PDE8B: variants seen among roughly 807,000 people sequenced by gnomAD.
PDE8B encodes the protein high affinity cAMP-specific and IBMX-insensitive 3',5'-cyclic phosphodiesterase 8B.
In PDE8B, 26 loss-of-function variants were observed where a neutral mutation model predicts 101.3. The ratio of observed to expected loss-of-function variants is 0.26; its 90% confidence interval spans 0.19 to 0.36. The LOEUF (loss-of-function observed/expected upper bound fraction) is 0.36, where lower values mean the gene tolerates loss of function less well. Ranked by LOEUF, PDE8B falls within the 10% of genes least tolerant of loss-of-function variation. The pLI is 1.00. For missense variants in PDE8B, 810 were observed against 1,163.1 expected (o/e 0.70, Z 4.42); for synonymous variants, 424 against 429.3 (o/e 0.99, Z 0.15).
the PDE8B span, among the ~76,000 whole-genome samples, chr5:77,198,271 G>A: frequency 1.3e-5 from 2 of 152,040 alleles, no homozygotes; most frequent in African/African-American, 4.8e-5. Flanking sequence ...CTTTTTGGCT[G>A]GTAGAACTTG....
At chr5:77,239,507 A>C (rs894686324) in intron 1 of PDE8B, among the ~76,000 whole-genome samples, 14 of 152,202 alleles carry the variant, frequency 9.2e-5, no homozygotes, top group African/African-American at 3.1e-4. Flanking sequence ...GGTATTTTCA[A>C]GTTCCCTGGG....
chr5:77,099,698 G>A, the PDE8B span, among the ~76,000 whole-genome samples: 1 of 151,434 alleles, frequency 6.6e-6, no homozygotes, highest in African/African-American at 2.4e-5. Context: ...TGCAACCTCC[G>A]CCTCCCAGGT....
chr5:77,388,445 C>G (rs894184773), intron 10 of PDE8B, among the ~76,000 whole-genome samples: 1 of 152,210 alleles, frequency 6.6e-6, no homozygotes, highest in Non-Finnish European at 1.5e-5. Flanking sequence ...CCTCTGGAAG[C>G]TTCAGCCCAA....
chr5:77,325,817 A>G lies in PDE8B; in HGVS notation c.590+88A>G, dbSNP rs957847528. The G allele has an allele frequency of 5.3e-6, 5 of 938,086 alleles. No homozygotes were observed. The Admixed American group carries it at 5.5e-5, about 10-fold the overall frequency. 58.1% of individuals were successfully genotyped at this position (938,086 alleles called of 1,614,324 possible). A position where few individuals can be genotyped will look rare whatever the true frequency, so the allele number is the denominator to read the frequency against. Reference sequence around the variant, plus strand: ...TTATAGATATCTTTAGTTTATTTCAAATATTTTTAAAATATGCGTTGATGT... The same window carrying G: ...TTATAGATATCTTTAGTTTATTTCAGATATTTTTAAAATATGCGTTGATGT... On this transcript the variant is annotated intron_variant, in intron 3 of 21. Coordinates refer to ENST00000264917, the MANE Select transcript of PDE8B (RefSeq NM_003719.5).
intron 6 of PDE8B, among the ~76,000 whole-genome samples, chr5:77,338,769 G>C (rs575479364): frequency 1.3e-5 from 2 of 152,152 alleles, no homozygotes; most frequent in African/African-American, 4.8e-5. Flanking sequence ...GAAAGAGGGG[G>C]ATTTTACTGT....
chr5:77,258,604 C>T (rs1759705307), intron 1 of PDE8B, among the ~76,000 whole-genome samples: 1 of 152,190 alleles, frequency 6.6e-6, no homozygotes, highest in African/African-American at 2.4e-5. Flanking sequence ...CATCAGGAAA[C>T]AGATATGTAT....
Position 77,428,071 on chromosome 5 carries a change from TTG to T in PDE8B, c.*1519_*1520del, listed in dbSNP as rs1163003478. 2 of 152,192 alleles carry T rather than the reference TTG, an allele frequency of 1.3e-5. No homozygotes were observed. Among genetic ancestry groups the T allele is most frequent in the African/African-American group, 4.8e-5 (2 of 41,454 alleles). 9.4% of individuals were successfully genotyped at this position (152,192 alleles called of 1,614,324 possible). On this transcript the variant is annotated 3_prime_UTR_variant, in exon 22 of 22. Transcript: ENST00000264917. ...GCAAAGAAATGTATCTAAATTATTT[TTG>T]TTAGATGATAAGAGAACTTGCTTGG... is the stretch of plus-strand genomic sequence containing the variant.
At position 77,371,484 on chromosome 5, in the gene PDE8B, A is replaced by G. The variant is rs551050688; in HGVS notation, c.1167+18078A>G. Among the ~76,000 whole-genome samples the G allele has an allele frequency of 3.9e-5, 6 of 152,328 alleles. No individual in the cohort carries two copies. In the South Asian group the frequency reaches 6.2e-4, roughly 16 times the overall value. ...ATCTATTGGTCAATCTACATATTGC[A>G]TGCTTTCTTAATTACTTTATAGTAA... On this transcript the variant is annotated intron_variant, in intron 10 of 21. Coordinates refer to ENST00000264917, the MANE Select transcript of PDE8B (RefSeq NM_003719.5).
chr5:77,268,625 T>C (rs556795251), intron 1 of PDE8B, among the ~76,000 whole-genome samples: 37 of 152,116 alleles, frequency 2.4e-4, no homozygotes, highest in South Asian at 2.1e-4. Context: ...TGTCTTTCAG[T>C]GCTTGGCTTA....
At chr5:77,136,173 C>G in the PDE8B span, among the ~76,000 whole-genome samples, 2 of 152,130 alleles carry the variant, frequency 1.3e-5, no homozygotes, top group African/African-American at 2.4e-5. Flanking sequence ...TTCTGTTTTC[C>G]TTTCATGAAT....
chr5:77,378,474 A>G (rs1283675156), intron 10 of PDE8B, among the ~76,000 whole-genome samples: 1 of 147,206 alleles, frequency 6.8e-6, no homozygotes, highest in Admixed American at 6.7e-5. Flanking sequence ...AAAAAAAAAA[A>G]AAAAAAAAAA....
At chr5:77,135,013 G>A in the PDE8B span, among the ~76,000 whole-genome samples, 1 of 152,136 alleles carries the variant, frequency 6.6e-6, no homozygotes, top group Non-Finnish European at 1.5e-5. Flanking sequence ...GCTACGTAGA[G>A]GCCATACTTC....
At chr5:77,172,239 C>T in the PDE8B span, among the ~76,000 whole-genome samples, 2 of 152,188 alleles carry the variant, frequency 1.3e-5, no homozygotes, top group Non-Finnish European at 2.9e-5. Flanking sequence ...TCATTGTTGA[C>T]TCCTCAGTGG....
the PDE8B span, among the ~76,000 whole-genome samples, chr5:77,168,098 GA>G: frequency 6.6e-6 from 1 of 152,214 alleles, no homozygotes; most frequent in Admixed American, 6.5e-5. Context: ...ACCAAGTGAT[GA>G]CAAGTAAATT....
At chr5:77,415,870 G>T (rs1030397546) in intron 17 of PDE8B, among the ~76,000 whole-genome samples, 1 of 152,314 alleles carries the variant, frequency 6.6e-6, no homozygotes, top group Admixed American at 6.5e-5. Flanking sequence ...TCCTGAATAA[G>T]AAACTATTTG....
the PDE8B span, among the ~76,000 whole-genome samples, chr5:77,124,595 A>G: frequency 0.33 from 48,990 of 150,108 alleles, 9,580 homozygotes; most frequent in South Asian, 0.44. Flanking sequence ...CAAAAAAAAA[A>G]AAAGAAAGAA....
the PDE8B span, among the ~76,000 whole-genome samples, chr5:77,129,282 T>C: frequency 6.6e-6 from 1 of 152,168 alleles, no homozygotes; most frequent in Non-Finnish European, 1.5e-5. Flanking sequence ...CAAAAGATTT[T>C]ATTATGAAAA....
chr5:77,169,146 C>T, the PDE8B span, among the ~76,000 whole-genome samples: 1 of 152,200 alleles, frequency 6.6e-6, no homozygotes, highest in Admixed American at 6.5e-5. Context: ...GTTTTCACTA[C>T]ATTTACCTTG....
chr5:77,211,391 G>A lies in PDE8B; in HGVS notation c.339+127G>A. 1 of 838,030 alleles carries A rather than the reference G, an allele frequency of 1.2e-6. No homozygotes were observed. 51.9% of individuals were successfully genotyped at this position (838,030 alleles called of 1,614,324 possible). A position where few individuals can be genotyped will look rare whatever the true frequency, so the allele number is the denominator to read the frequency against. On this transcript the variant is annotated intron_variant, in intron 1 of 21. Coordinates refer to ENST00000264917, the MANE Select transcript of PDE8B (RefSeq NM_003719.5). This position sits in a 1 kb window ranked among gnomAD's most constrained non-coding sequence, Gnocchi z 4.1. ...TTGGTTTGGAGAGGTTGTCACTAAGGAGGAGTTTACTTTTCATTTGTGGAG... is the reference window on the plus strand; with the variant it reads ...TTGGTTTGGAGAGGTTGTCACTAAGAAGGAGTTTACTTTTCATTTGTGGAG...
Sources: allele counts gnomAD v4.1 joint callset (sites outside exome capture counted in the v4.1 genomes callset), GRCh38; gene constraint gnomAD v4.1.1; non-coding constraint Gnocchi (gnomAD v3.1); transcripts MANE v1.5; gene names NCBI Gene and HGNC (gene_info 2026-07-23, HGNC 2026-07-21).